Variants in USP34 observed in about 807,000 individuals in gnomAD.
The protein encoded by USP34 is ubiquitin specific peptidase 34.
In USP34, 70 loss-of-function variants were observed where a neutral mutation model predicts 460.3. The observed-to-expected ratio is 0.15, with a 90% CI of 0.13 to 0.19. The LOEUF is 0.19. Ranked by LOEUF, USP34 falls within the 10% of genes least tolerant of loss-of-function variation. The pLI is 1.00. For missense variants in USP34, 3,985 were observed against 4,236.2 expected, an observed-to-expected ratio of 0.94 and a Z score of 1.65; for synonymous variants, 1,647 against 1,405.3, an observed-to-expected ratio of 1.17 and a Z score of -3.85.
intron 12 of USP34, among the ~76,000 whole-genome samples, chr2:61,349,633 G>A (rs372844201): frequency 1.3e-5 from 2 of 152,126 alleles, no homozygotes; most frequent in African/African-American, 4.8e-5. Context: ...AAGATCAGGA[G>A]ATCGAGACCA....
chr2:61,395,612 C>T (rs1044401029), intron 3 of USP34, among the ~76,000 whole-genome samples: 35 of 144,894 alleles, frequency 2.4e-4, no homozygotes, highest in African/African-American at 9.0e-4. Flanking sequence ...CGGTGAAACC[C>T]CGTCTCTACT....
At chr2:61,236,592 G>A (rs1023119821) in intron 53 of USP34, among the ~76,000 whole-genome samples, 6 of 151,960 alleles carry the variant, frequency 3.9e-5, no homozygotes, top group African/African-American at 1.5e-4. Context: ...TACTTATCTG[G>A]CTACCTCAAG....
intron 41 of USP34, among the ~76,000 whole-genome samples, chr2:61,275,455 A>G (rs1689344159): frequency 6.6e-6 from 1 of 151,996 alleles, no homozygotes; most frequent in South Asian, 2.1e-4. Context: ...CATCTCTACA[A>G]AAATAAATAA....
intron 23 of USP34, 83 bp downstream of exon 23, chr2:61,317,571 T>C (rs1343942465): frequency 2.4e-6 from 3 of 1,232,892 alleles, no homozygotes; most frequent in Admixed American, 2.0e-5. Context: ...TTCTATACTT[T>C]GTAGAAAAAT....
chr2:61,350,101 C>T (rs1229149675), intron 12 of USP34, among the ~76,000 whole-genome samples, 159 bp downstream of exon 12: 2 of 152,062 alleles, frequency 1.3e-5, no homozygotes, highest in East Asian at 1.9e-4. Context: ...TAAACCAAAA[C>T]ACGAACTAAT....
chr2:61,433,727 T>C (rs1694739398), intron 1 of USP34, among the ~76,000 whole-genome samples: 1 of 152,152 alleles, frequency 6.6e-6, no homozygotes, highest in Admixed American at 6.5e-5. Context: ...ACAGCTGCAC[T>C]GCCCAAATTA....
chr2:61,385,860 G>C (rs1180894497), intron 5 of USP34, among the ~76,000 whole-genome samples: 1 of 151,220 alleles, frequency 6.6e-6, no homozygotes, highest in African/African-American at 2.4e-5. Context: ...GCCAGGTGTG[G>C]TGACGCGCAC....
chr2:61,279,512 AGAGTGCAGGGGCGT>A, intron 39 of USP34, among the ~76,000 whole-genome samples: 1 of 152,248 alleles, frequency 6.6e-6, no homozygotes, highest in Non-Finnish European at 1.5e-5. Flanking sequence ...TCGCCAGGCT[AGAGTGCAGGGGCGT>A]GATCTCAGCT....
chr2:61,401,911 A>C (rs1371652165), intron 3 of USP34, among the ~76,000 whole-genome samples: 1 of 151,522 alleles, frequency 6.6e-6, no homozygotes, highest in Non-Finnish European at 1.5e-5. Context: ...ACACTAGAGC[A>C]ATTATCTGAT....
At chr2:61,436,117 T>A (rs557959110) in intron 1 of USP34, among the ~76,000 whole-genome samples, 60 of 152,172 alleles carry the variant, frequency 3.9e-4, no homozygotes, top group African/African-American at 1.4e-3. Flanking sequence ...AACTTCATCT[T>A]TAAAGTCACC....
intron 1 of USP34, among the ~76,000 whole-genome samples, chr2:61,464,660 T>C (rs1466685319): frequency 2.3e-5 from 3 of 133,056 alleles, no homozygotes; most frequent in South Asian, 2.4e-4. Flanking sequence ...GAGGTTGCAG[T>C]GAGCCCAAGA....
chr2:61,211,927 T>C lies in USP34; in HGVS notation c.8685A>G (p.Ala2895=). The change falls in exon 69 of 80, where the codon GCA becomes GCG. Residue 2895 remains alanine (A), a splice_region_variant and synonymous_variant. Transcript: ENST00000398571. ...GCATCAGGTTAAACAGTTCTTCTAC[T>C]GCCTAAAAAAGCCAAATAAGCCATA... ...LTPHASQYPG[A]VEELFNLMQL... 1.3e-6 allele frequency: 2 copies of C among 1,599,988 alleles called. No homozygotes were observed. Among genetic ancestry groups the C allele is most frequent in the Non-Finnish European group, 1.7e-6 (2 of 1,176,306 alleles).
chr2:61,281,059 G>C (rs1007570869), intron 38 of USP34, 31 bp downstream of exon 38: 11 of 1,591,706 alleles, frequency 6.9e-6, no homozygotes, highest in African/African-American at 1.4e-5. Flanking sequence ...TTCAAAAATA[G>C]AAACTGCTTC....
intron 69 of USP34, 120 bp downstream of exon 69, chr2:61,211,652 T>C (rs2103786854): frequency 9.1e-7 from 1 of 1,104,798 alleles, no homozygotes; most frequent in Admixed American, 3.8e-5. Flanking sequence ...CTTCAAAATG[T>C]TCCAAAGTGG....
Position 61,348,898 on chromosome 2 carries a change from A to G in USP34, c.1544-12T>C, listed in dbSNP as rs1383011020. On this transcript the variant is annotated splice_polypyrimidine_tract_variant and intron_variant, in intron 13 of 79. Transcript: ENST00000398571. ...AGCTGCAGGTGACCCTATATAAAAT[A>G]CATTTTTTGTTTTTACTTCTAATTT... 2 of 1,589,722 alleles carry G rather than the reference A, an allele frequency of 1.3e-6. No individual in the cohort carries two copies.
chr2:61,318,683 A>G (rs942514156), intron 22 of USP34, among the ~76,000 whole-genome samples: 1 of 152,246 alleles, frequency 6.6e-6, no homozygotes, highest in African/African-American at 2.4e-5. Flanking sequence ...AAATTGGAAC[A>G]TCTTTACGAT....
At chr2:61,232,420 A>G (rs749253269) in intron 58 of USP34, 32 bp downstream of exon 58, 2 of 1,529,664 alleles carry the variant, frequency 1.3e-6, no homozygotes, top group Non-Finnish European at 1.8e-6. Flanking sequence ...CTTCTTTTCC[A>G]AATAATTTTT....
intron 46 of USP34, 24 bp downstream of exon 46, chr2:61,257,028 G>C (rs1304807146): frequency 6.8e-7 from 1 of 1,471,598 alleles, no homozygotes; most frequent in South Asian, 1.6e-5. Flanking sequence ...TCTCCAAAAA[G>C]TAAAAACCAG....
chr2:61,319,275 A>G lies in USP34; in HGVS notation c.3066T>C (p.Ser1022=), dbSNP rs746153225. ...AATGGAGTGCATCATCATAACATTC[A>G]GAATCTTCTACTAAACAATGCCATA... ...DILWHCLVED[S]ECYDDALHWF... Residue 1022 remains serine, a synonymous_variant, in exon 22 of 80, where the codon TCT becomes TCC. Transcript: ENST00000398571. 1 of 1,592,532 alleles carries G rather than the reference A, an allele frequency of 6.3e-7. No homozygotes were observed. The highest frequency in any genetic ancestry group is 8.5e-7 in the Non-Finnish European group (1 of 1,173,850).
Sources: gnomAD v4.1 joint callset for allele counts (sites outside exome capture counted in the v4.1 genomes callset) on GRCh38, gnomAD v4.1.1 for gene constraint, MANE v1.5 for transcripts, NCBI Gene and HGNC (gene_info 2026-07-23, HGNC 2026-07-21) for gene names.